METTL14: variants seen among roughly 807,000 people sequenced by gnomAD.
The protein encoded by METTL14 is N(6)-adenosine-methyltransferase non-catalytic subunit METTL14.
Under a neutral mutation model 62.4 loss-of-function variants are expected in METTL14, and 32 were observed. That is an observed-to-expected ratio of 0.51 (90% CI 0.39 to 0.69). The LOEUF (loss-of-function observed/expected upper bound fraction) is 0.69, where lower values mean the gene tolerates loss of function less well. Among genes scored for constraint, METTL14 ranks in the 30% least tolerant of loss-of-function variants. The pLI, the probability that METTL14 is intolerant of heterozygous loss-of-function variation, is 0.00. For missense variants in METTL14, 340 were observed against 551.9 expected (o/e 0.62, Z 3.85); for synonymous variants, 150 against 180.0 (o/e 0.83, Z 1.34).
At position 118,689,453 on chromosome 4, in the gene METTL14, A is replaced by G; in HGVS notation, c.239A>G (p.Tyr80Cys). The G allele has an allele frequency of 1.3e-6, 2 of 1,559,714 alleles. No individual in the cohort carries two copies. Among genetic ancestry groups the G allele is most frequent in the Non-Finnish European group, 1.8e-6 (2 of 1,135,766 alleles). Residue 80 changes from tyrosine (Y) to cysteine (C), a missense_variant, in exon 3 of 11, where the codon TAT becomes TGT. Physicochemically the swap from Tyr to Cys is radical, Grantham distance 194. Around this residue, in one of 7 missense-constraint regions of METTL14, gnomAD observed 111 missense variants for 116.6 expected, o/e 0.95. Coordinates refer to ENST00000388822, the MANE Select transcript of METTL14 (RefSeq NM_020961.4). ...GETDEDKMEE[Y>C]KDELEMQQDE... ...ACAGATGAAGACAAAATGGAAGAAT[A>G]TAAGGCAAGTAGAGAGTGAAATAAG...
At chr4:118,706,853 T>C (rs921629154) in intron 10 of METTL14, among the ~76,000 whole-genome samples, 3 of 152,220 alleles carry the variant, frequency 2.0e-5, no homozygotes, top group Admixed American at 6.5e-5. Flanking sequence ...TCTTTTCATA[T>C]GCTTATTTAC....
intron 6 of METTL14, among the ~76,000 whole-genome samples, chr4:118,695,404 C>A (rs572473647): frequency 6.6e-6 from 1 of 151,916 alleles, no homozygotes; most frequent in South Asian, 2.1e-4. Context: ...CAAAAATTAG[C>A]TGGGCATGGT....
At chr4:118,688,342 C>G (rs867527476) in intron 2 of METTL14, among the ~76,000 whole-genome samples, 35 of 151,188 alleles carry the variant, frequency 2.3e-4, no homozygotes, top group African/African-American at 8.3e-4. Flanking sequence ...GAGCCTTAGG[C>G]AGTAGAATTG....
At chr4:118,690,032 A>ATTTTTTT (rs1579065564) in intron 3 of METTL14, among the ~76,000 whole-genome samples, 1 of 87,292 alleles carries the variant, frequency 1.1e-5, no homozygotes, top group Admixed American at 1.6e-4. Flanking sequence ...AGGTAATAAT[A>ATTTTTTT]TTCTTTTTTT....
chr4:118,701,461 C>T (rs1244584238), intron 8 of METTL14, among the ~76,000 whole-genome samples: 2 of 152,146 alleles, frequency 1.3e-5, no homozygotes, highest in African/African-American at 4.8e-5. Context: ...GTTAGGATTA[C>T]AGGCATGAGC....
At position 118,710,744 on chromosome 4, in the gene METTL14, A is replaced by G. The variant is rs1443155493; in HGVS notation, c.*442A>G. The G allele has an allele frequency of 6.5e-6, 1 of 152,772 alleles. No individual in the cohort carries two copies. The highest frequency in any genetic ancestry group is 6.5e-5 in the Admixed American group (1 of 15,298). The allele number at this position is 152,772 out of a possible 1,614,324, so 9.5% of individuals were successfully genotyped here. ...TAACATTTTCTTGATGAAACAATAAAAAGAGGTAAGCTTTTTTCTTCTTTT... is the reference window on the plus strand; with the variant it reads ...TAACATTTTCTTGATGAAACAATAAGAAGAGGTAAGCTTTTTTCTTCTTTT... On this transcript the variant is annotated 3_prime_UTR_variant, in exon 11 of 11. Transcript: ENST00000388822.
chr4:118,686,895 A>AT (rs1724082716), intron 1 of METTL14, among the ~76,000 whole-genome samples: 1 of 152,180 alleles, frequency 6.6e-6, no homozygotes, highest in Admixed American at 6.5e-5. Flanking sequence ...TATAACCATT[A>AT]TTTGTTTACA....
chr4:118,688,181 T>G (rs985155291), intron 2 of METTL14, among the ~76,000 whole-genome samples, 170 bp downstream of exon 2: 2 of 151,936 alleles, frequency 1.3e-5, no homozygotes, highest in African/African-American at 4.8e-5. Context: ...ATTACAGATA[T>G]GAGCCACTGT....
intron 7 of METTL14, 40 bp from the exon 8 acceptor site, chr4:118,700,510 A>G: frequency 6.6e-7 from 1 of 1,511,244 alleles, no homozygotes; most frequent in African/African-American, 1.4e-5. Context: ...TGAATGGGAA[A>G]CAAAATACTT....
chr4:118,707,720 C>T (rs1724796923), intron 10 of METTL14, among the ~76,000 whole-genome samples: 2 of 151,048 alleles, frequency 1.3e-5, no homozygotes, highest in South Asian at 4.2e-4. Context: ...AAACACACTT[C>T]TTCCTCAAGG....
At position 118,687,968 on chromosome 4, in the gene METTL14, A is replaced by G. The variant is rs2110463786; in HGVS notation, c.112A>G (p.Lys38Glu). Reference protein sequence around the residue: ...ADSIGAVLNSKDEQREIAETR... With the variant: ...ADSIGAVLNSEDEQREIAETR... ...CAGCATTGGTGCCGTGTTAAATAGC[A>G]AAGATGAGCAGAGAGAAATTGCTGA... The change falls in exon 2 of 11, where the codon AAA becomes GAA. Residue 38 changes from lysine (K) to glutamate (E), a missense_variant. Physicochemically the swap from Lys to Glu is moderately conservative, Grantham distance 56. Coordinates refer to ENST00000388822, the MANE Select transcript of METTL14 (RefSeq NM_020961.4). 1.2e-6 allele frequency: 2 copies of G among 1,614,048 alleles called. No homozygotes were observed. The highest frequency in any genetic ancestry group is 2.2e-5 in the East Asian group (1 of 44,884).
chr4:118,692,906 C>T (rs1358723415), intron 5 of METTL14, among the ~76,000 whole-genome samples: 2 of 152,080 alleles, frequency 1.3e-5, no homozygotes, highest in Admixed American at 1.3e-4. Flanking sequence ...TTGGACATTT[C>T]TTGTAAATGA....
chr4:118,700,754 T>A, intron 8 of METTL14, 112 bp downstream of exon 8: 1 of 704,562 alleles, frequency 1.4e-6, no homozygotes, highest in Non-Finnish European at 2.3e-6. Context: ...GTTTCTTAAA[T>A]AATTCTAAAA....
chr4:118,707,260 A>G (rs1181033061), intron 10 of METTL14, among the ~76,000 whole-genome samples: 1 of 152,198 alleles, frequency 6.6e-6, no homozygotes, highest in Non-Finnish European at 1.5e-5. Flanking sequence ...GCAAAAATTT[A>G]GTATTAGCTA....
At chr4:118,690,032 A>ATTTTT (rs1579065564) in intron 3 of METTL14, among the ~76,000 whole-genome samples, 1 of 87,296 alleles carries the variant, frequency 1.1e-5, no homozygotes, top group Non-Finnish European at 2.4e-5. Context: ...AGGTAATAAT[A>ATTTTT]TTCTTTTTTT....
At chr4:118,695,618 G>C (rs34944581) in intron 6 of METTL14, among the ~76,000 whole-genome samples, 2 of 152,174 alleles carry the variant, frequency 1.3e-5, no homozygotes, top group African/African-American at 4.8e-5. Context: ...AGGAAGCTTA[G>C]AAAACTTAGA....
intron 4 of METTL14, among the ~76,000 whole-genome samples, 176 bp downstream of exon 4, chr4:118,691,788 G>T (rs1034211514): frequency 6.6e-6 from 1 of 152,102 alleles, no homozygotes; most frequent in Non-Finnish European, 1.5e-5. Context: ...TGGCTATTTA[G>T]TGTGAGGTAA....
At chr4:118,701,608 A>G (rs1051624073) in intron 8 of METTL14, among the ~76,000 whole-genome samples, 1 of 152,210 alleles carries the variant, frequency 6.6e-6, no homozygotes, top group Admixed American at 6.5e-5. Flanking sequence ...GCTATGCTGT[A>G]ACAGTAAGAC....
At chr4:118,689,597 A>C (rs938098926) in intron 3 of METTL14, 140 bp downstream of exon 3, 1 of 499,570 alleles carries the variant, frequency 2.0e-6, no homozygotes, top group African/African-American at 2.0e-5. Flanking sequence ...TGTTATCACC[A>C]GTTACATTAA....
Sources: allele counts gnomAD v4.1 joint callset (sites outside exome capture counted in the v4.1 genomes callset), GRCh38; gene constraint gnomAD v4.1.1; regional missense constraint gnomAD v4.1.1; transcripts MANE v1.5; gene names NCBI Gene and HGNC (gene_info 2026-07-23, HGNC 2026-07-21).